Variants in SLC22A6 observed in about 807,000 individuals in gnomAD.
SLC22A6 encodes solute carrier family 22 member 6, also known as PAH transporter.
A neutral mutation model predicts 56.7 loss-of-function variants in SLC22A6; 45 were observed. That is an observed-to-expected ratio of 0.79 (90% confidence interval 0.63 to 1.02). SLC22A6 has a LOEUF of 1.02. Ranked by LOEUF, SLC22A6 falls within the 50% of genes least tolerant of loss-of-function variation. The probability of loss-of-function intolerance (pLI) is 0.00; values close to 1 mark genes in which losing one functional copy is unlikely to be tolerated. For missense variants in SLC22A6, 606 were observed against 713.8 expected (o/e 0.85, Z 1.72); for synonymous variants, 291 against 295.9 (o/e 0.98, Z 0.17).
chr11:62,980,661 A>G (rs867201946), intron 6 of SLC22A6, among the ~76,000 whole-genome samples: 2 of 152,240 alleles, frequency 1.3e-5, no homozygotes, highest in Non-Finnish European at 2.9e-5. Context: ...AAAATCTATG[A>G]ATATTTTGCA....
At chr11:62,978,127 T>G (rs1173881018) in intron 8 of SLC22A6, among the ~76,000 whole-genome samples, 2 of 152,188 alleles carry the variant, frequency 1.3e-5, no homozygotes, top group East Asian at 3.8e-4. Flanking sequence ...GTGAAAAGTT[T>G]AAGACACTGC....
chr11:62,980,092 T>C, intron 6 of SLC22A6, 144 bp from the exon 7 acceptor site: 1 of 638,362 alleles, frequency 1.6e-6, no homozygotes. Flanking sequence ...TTTAACCATA[T>C]CATTAAACTG....
chr11:62,981,822 C>T lies in SLC22A6; in HGVS notation c.797+20G>A. ...TCTGGGCTCCTGTGGCAACCACCTC[C>T]AACCCTAGGCCCCACGCACCAGGAG... is the stretch of plus-strand genomic sequence containing the variant. On this transcript the variant is annotated intron_variant, in intron 4 of 9. Transcript: ENST00000360421. 1 of 1,593,140 alleles carries T rather than the reference C, an allele frequency of 6.3e-7. No homozygotes were observed. The highest frequency in any genetic ancestry group is 1.8e-5 in the Admixed American group (1 of 56,812).
At chr11:62,981,478 G>T in intron 4 of SLC22A6, 95 bp from the exon 5 acceptor site, 2 of 761,024 alleles carry the variant, frequency 2.6e-6, no homozygotes. Context: ...TCTGCGATGG[G>T]ATTTTATTTA....
intron 4 of SLC22A6, 50 bp from the exon 5 acceptor site, chr11:62,981,433 G>A: frequency 1.1e-6 from 1 of 919,638 alleles, no homozygotes; most frequent in Non-Finnish European, 1.5e-6. Context: ...GTTCCAGTCA[G>A]CTGGGTGGGG....
Position 62,983,871 on chromosome 11 carries a change from C to T in SLC22A6, c.473+73G>A. The T allele has an allele frequency of 1.6e-6, 2 of 1,273,590 alleles. No homozygotes were observed. Among genetic ancestry groups the T allele is most frequent in the Non-Finnish European group, 2.2e-6 (2 of 904,120 alleles). The allele number at this position is 1,273,590 out of a possible 1,614,324, so 78.9% of individuals were successfully genotyped here. Reference sequence around the variant, plus strand: ...GCCGGCTGGCAATGCCAAGCTCCCACCTAGACACCCTGAGCCCAGCTGAGC... The same window carrying T: ...GCCGGCTGGCAATGCCAAGCTCCCATCTAGACACCCTGAGCCCAGCTGAGC... On this transcript the variant is annotated intron_variant, in intron 2 of 9. Transcript: ENST00000360421. This position sits in a 1 kb window ranked among gnomAD's most constrained non-coding sequence, Gnocchi z 4.5.
At position 62,984,790 on chromosome 11, in the gene SLC22A6, G is replaced by A; in HGVS notation, c.-100C>T. On this transcript the variant is annotated 5_prime_UTR_variant, in exon 1 of 10. Coordinates refer to ENST00000360421, the MANE Select transcript of SLC22A6 (RefSeq NM_153276.3). ...TGTCCTTCGCTGGAGGAGCAGCACT[G>A]CCGTTGCCTCCGCAGCTGGGTTGCT... The A allele has an allele frequency of 7.4e-7, 1 of 1,348,022 alleles. No homozygotes were observed. Among genetic ancestry groups the A allele is most frequent in the African/African-American group, 1.5e-5 (1 of 68,284 alleles). The allele number at this position is 1,348,022 out of a possible 1,614,324, so 83.5% of individuals were successfully genotyped here.
chr11:62,978,468 C>T (rs963169832), intron 8 of SLC22A6, among the ~76,000 whole-genome samples: 1 of 151,904 alleles, frequency 6.6e-6, no homozygotes, highest in Admixed American at 6.6e-5. Context: ...CTGCCTCAGC[C>T]TCCTGAGTAG....
At position 62,981,886 on chromosome 11, in the gene SLC22A6, C is replaced by T; in HGVS notation, c.753G>A (p.Gln251=). The T allele has an allele frequency of 6.2e-7, 1 of 1,613,884 alleles. No individual in the cohort carries two copies. The highest frequency in any genetic ancestry group is 1.1e-5 in the South Asian group (1 of 90,964). ...CAAAAAAAGGCGCAGAGACCAGTAGCTGCAGGTGGCGCCAGTGGGGCACAG... is the reference window on the plus strand; with the variant it reads ...CAAAAAAAGGCGCAGAGACCAGTAGTTGCAGGTGGCGCCAGTGGGGCACAG... ...AYAVPHWRHL[Q]LLVSAPFFAF... is the part of the protein sequence containing the mutation. The change falls in exon 4 of 10, where the codon CAG becomes CAA. Residue 251 remains glutamine, a synonymous_variant. Coordinates refer to ENST00000360421, the MANE Select transcript of SLC22A6 (RefSeq NM_153276.3).
chr11:62,976,879 T>G lies in SLC22A6; in HGVS notation c.1568A>C (p.Lys523Thr), dbSNP rs2086194768. The G allele has an allele frequency of 6.2e-7, 1 of 1,613,826 alleles. No homozygotes were observed. Among genetic ancestry groups the G allele is most frequent in the East Asian group, 2.2e-5 (1 of 44,886 alleles). The change falls in exon 10 of 10, where the codon AAA becomes ACA. Residue 523 changes from lysine (K) to threonine (T), a missense_variant and splice_region_variant. Transcript: ENST00000360421. ...TTGTTGCTGTCGCGTCTGTTTCCCT[T>G]TCCTGCAGGGCGGCAGAAGAATGGC... Reference protein sequence around the residue: ...PDTVQDLESRKGKQTRQQQEH... With the variant: ...PDTVQDLESRTGKQTRQQQEH...
At chr11:62,979,998 G>T in intron 6 of SLC22A6, 50 bp from the exon 7 acceptor site, 2 of 1,379,922 alleles carry the variant, frequency 1.4e-6, no homozygotes, top group Non-Finnish European at 2.1e-6. Flanking sequence ...GGCTTAAAGT[G>T]GGGTGCTCTT....
chr11:62,979,672 T>C lies in SLC22A6; in HGVS notation c.1252+62A>G. ...GGAATTGGCCCCCTCCCTTCTGAGA[T>C]ATTGGGTTATGTGTGGGGATGGGGC... On this transcript the variant is annotated intron_variant, in intron 7 of 9. Transcript: ENST00000360421. 3.1e-6 allele frequency: 5 copies of C among 1,591,082 alleles called. No homozygotes were observed. The South Asian group carries it at 4.4e-5, about 14-fold the overall frequency.
chr11:62,976,903 G>A (rs754958370), intron 9 of SLC22A6, 22 bp from the exon 10 acceptor site: 1 of 1,612,276 alleles, frequency 6.2e-7, no homozygotes, highest in South Asian at 1.1e-5. Context: ...CAGAAGAATG[G>A]CACTCTGGGT....
chr11:62,981,525 T>G, intron 4 of SLC22A6, 142 bp from the exon 5 acceptor site: 1 of 640,774 alleles, frequency 1.6e-6, no homozygotes, highest in Non-Finnish European at 2.7e-6. Flanking sequence ...AATCCCTCTC[T>G]CTAGGACCAC....
chr11:62,978,656 A>G (rs191924308), intron 8 of SLC22A6, among the ~76,000 whole-genome samples: 2,073 of 137,286 alleles, frequency 0.015, 28 homozygotes, highest in Non-Finnish European at 0.025. Flanking sequence ...CAGTGGTGCC[A>G]TCTTGGCTCA....
Position 62,983,922 on chromosome 11 carries a change from C to G in SLC22A6, c.473+22G>C. 1 of 1,573,548 alleles carries G rather than the reference C, an allele frequency of 6.4e-7. No homozygotes were observed. Among genetic ancestry groups the G allele is most frequent in the South Asian group, 1.1e-5 (1 of 89,196 alleles). ...CCCTAATCCCAGCCCAGCCCAGCCC[C>G]TTGACCCTACCCAGGACTGACCTGT... On this transcript the variant is annotated intron_variant, in intron 2 of 9. Coordinates refer to ENST00000360421, the MANE Select transcript of SLC22A6 (RefSeq NM_153276.3). The surrounding 1 kb of genome is among the most constrained non-coding windows in gnomAD (Gnocchi z 4.5).
Position 62,984,932 on chromosome 11 carries a change from T to C in SLC22A6, c.-242A>G, listed in dbSNP as rs1032883349. On this transcript the variant is annotated 5_prime_UTR_variant, in exon 1 of 10. Coordinates refer to ENST00000360421, the MANE Select transcript of SLC22A6 (RefSeq NM_153276.3). Reference sequence around the variant, plus strand: ...TTTTCCCTTGCAGCTTCTCCTCACTTTGGGGGTCAGGGCAGCTCAGCTTTC... The same window carrying C: ...TTTTCCCTTGCAGCTTCTCCTCACTCTGGGGGTCAGGGCAGCTCAGCTTTC... The C allele has an allele frequency of 1.9e-6, 1 of 537,690 alleles. No individual in the cohort carries two copies. The highest frequency in any genetic ancestry group is 3.3e-6 in the Non-Finnish European group (1 of 301,424). 33.3% of individuals were successfully genotyped at this position (537,690 alleles called of 1,614,324 possible). A position where few individuals can be genotyped will look rare whatever the true frequency, so the allele number is the denominator to read the frequency against.
chr11:62,981,464 G>A (rs1301601275), intron 4 of SLC22A6, 81 bp from the exon 5 acceptor site: 5 of 822,640 alleles, frequency 6.1e-6, no homozygotes, highest in Non-Finnish European at 7.6e-6. Flanking sequence ...GGGCTTTCTA[G>A]GGGTCTGCGA....
Position 62,982,790 on chromosome 11 carries a change from C to T in SLC22A6, c.628+747G>A, listed in dbSNP as rs574023526. 1.8e-4 allele frequency among the ~76,000 whole-genome samples: 27 copies of T among 152,216 alleles called. No homozygotes were observed. The South Asian group carries it at 4.8e-3, about 27-fold the overall frequency. On this transcript the variant is annotated intron_variant, in intron 3 of 9. Transcript: ENST00000360421. ...AGTCCACAAATGTGTCTTGTCTGCA[C>T]GATGCTGCCTCATCCTATGTTTATT...
Sources: allele counts gnomAD v4.1 joint callset (sites outside exome capture counted in the v4.1 genomes callset), GRCh38; gene constraint gnomAD v4.1.1; non-coding constraint Gnocchi (gnomAD v3.1); transcripts MANE v1.5; gene names NCBI Gene and HGNC (gene_info 2026-07-23, HGNC 2026-07-21).